The following RASA1 variants were observed in gnomAD, a reference collection of about 807,000 sequenced individuals.
RASA1 encodes ras GTPase-activating protein 1.
RASA1 carries 25 observed loss-of-function variants against 132.2 expected under a neutral mutation model. That is an observed-to-expected ratio of 0.19 (90% CI 0.14 to 0.26). RASA1 has a LOEUF of 0.26. RASA1 is among the 10% of genes least tolerant of loss of function. RASA1 has a pLI of 1.00. For synonymous variants in RASA1, 477 were observed against 449.9 expected (o/e 1.06, Z -0.76); for missense variants, 964 against 1,299.2 (o/e 0.74, Z 3.97).
At position 87,268,975 on chromosome 5, in the gene RASA1, C is replaced by T; in HGVS notation, c.524C>T (p.Ala175Val). The T allele has an allele frequency of 6.2e-7, 1 of 1,614,222 alleles. No homozygotes were observed. The highest frequency in any genetic ancestry group is 8.5e-7 in the Non-Finnish European group (1 of 1,180,042). ...GAAGAGGTGGCCATACCGTTGACCGCTCCTCCAACTAACCAGTAAGTTAAG... is the reference window on the plus strand; with the variant it reads ...GAAGAGGTGGCCATACCGTTGACCGTTCCTCCAACTAACCAGTAAGTTAAG... Reference protein sequence around the residue: ...EEEEVAIPLTAPPTNQWYHGK... With the variant: ...EEEEVAIPLTVPPTNQWYHGK... The change falls in exon 1 of 25, where the codon GCT (alanine) becomes GTT (valine). Residue 175 changes from alanine to valine, a missense_variant. Coordinates refer to ENST00000274376, the MANE Select transcript of RASA1 (RefSeq NM_002890.3).
At chr5:87,317,634 C>G (rs1756441107) in intron 1 of RASA1, among the ~76,000 whole-genome samples, 2 of 143,818 alleles carry the variant, frequency 1.4e-5, no homozygotes, top group Non-Finnish European at 3.1e-5. Flanking sequence ...TTCTCATGCT[C>G]TTTTTTTTTT....
chr5:87,269,136 A>G, intron 1 of RASA1, 146 bp downstream of exon 1: 1 of 1,613,366 alleles, frequency 6.2e-7, no homozygotes, highest in Admixed American at 1.7e-5. Flanking sequence ...TAGGAATTTA[A>G]TCTGATCACT....
intron 1 of RASA1, among the ~76,000 whole-genome samples, chr5:87,310,504 A>T (rs1424890473): frequency 6.6e-6 from 1 of 152,186 alleles, no homozygotes; most frequent in Non-Finnish European, 1.5e-5. Flanking sequence ...TTTACAACTA[A>T]TGGAGTCTGA....
rs573738724 is a variant in RASA1 at position 87,391,165 on chromosome 5, T to C, written c.*282T>C. ...CCACCTTTCACAAAACGAAATGCTATGACTGTATCTTGATATCTCGAACTT... is the reference window on the plus strand; with the variant it reads ...CCACCTTTCACAAAACGAAATGCTACGACTGTATCTTGATATCTCGAACTT... On this transcript the variant is annotated 3_prime_UTR_variant, in exon 25 of 25. Transcript: ENST00000274376. 4.7e-4 allele frequency: 257 copies of C among 543,578 alleles called. 2 individuals carry two copies. In the South Asian group the frequency reaches 5.4e-3, roughly 11 times the overall value. The allele number at this position is 543,578 out of a possible 1,614,324, so 33.7% of individuals were successfully genotyped here. A position where few individuals can be genotyped will look rare whatever the true frequency, so the allele number is the denominator to read the frequency against.
intron 11 of RASA1, among the ~76,000 whole-genome samples, chr5:87,368,557 C>G (rs572262130): frequency 3.0e-4 from 45 of 152,206 alleles, no homozygotes; most frequent in Admixed American, 1.1e-3. Context: ...ATTGTTCTTA[C>G]GGATGGTATA....
chr5:87,284,072 A>T (rs548622937), intron 1 of RASA1, among the ~76,000 whole-genome samples: 4 of 152,170 alleles, frequency 2.6e-5, no homozygotes, highest in Admixed American at 2.6e-4. Flanking sequence ...TCTTCTTTCA[A>T]GACAAATGCA....
chr5:87,339,466 T>G (rs1211874439), intron 5 of RASA1, among the ~76,000 whole-genome samples: 7 of 152,194 alleles, frequency 4.6e-5, no homozygotes, highest in Non-Finnish European at 1.0e-4. Flanking sequence ...GTTACAACTT[T>G]TAGTTTGGGT....
intron 5 of RASA1, among the ~76,000 whole-genome samples, 195 bp from the exon 6 acceptor site, chr5:87,341,095 G>C (rs571116734): frequency 6.6e-6 from 1 of 152,126 alleles, no homozygotes; most frequent in Non-Finnish European, 1.5e-5. Flanking sequence ...AAGAGGGCCT[G>C]AGTTAGGGTA....
intron 11 of RASA1, among the ~76,000 whole-genome samples, chr5:87,365,773 T>C (rs960107188): frequency 1.3e-5 from 2 of 152,154 alleles, no homozygotes; most frequent in Non-Finnish European, 2.9e-5. Flanking sequence ...AAATTTTTTT[T>C]TAATACTTTG....
chr5:87,316,581 A>G (rs1756357710), intron 1 of RASA1, among the ~76,000 whole-genome samples: 1 of 152,128 alleles, frequency 6.6e-6, no homozygotes, highest in Non-Finnish European at 1.5e-5. Context: ...AAATTTCTAG[A>G]CCTGTCCCAC....
chr5:87,378,381 T>A lies in RASA1; in HGVS notation c.2345-15T>A, dbSNP rs767453319. The A allele has an allele frequency of 1.2e-6, 2 of 1,611,786 alleles. No homozygotes were observed. Among genetic ancestry groups the A allele is most frequent in the South Asian group, 2.2e-5 (2 of 91,042 alleles). ...GTCCTTTACAAATAATCTTCTAATGTAAATATTTGTGTAGATGAAGCCACT... is the reference window on the plus strand; with the variant it reads ...GTCCTTTACAAATAATCTTCTAATGAAAATATTTGTGTAGATGAAGCCACT... On this transcript the variant is annotated splice_polypyrimidine_tract_variant and intron_variant, in intron 17 of 24. Transcript: ENST00000274376.
At chr5:87,298,175 C>T (rs555156336) in intron 1 of RASA1, among the ~76,000 whole-genome samples, 59 of 151,904 alleles carry the variant, frequency 3.9e-4, no homozygotes, top group Non-Finnish European at 5.6e-4. Flanking sequence ...TTTGGGAGGC[C>T]GAGGCGGGTG....
chr5:87,286,249 C>T (rs953527159), intron 1 of RASA1, among the ~76,000 whole-genome samples: 18 of 152,088 alleles, frequency 1.2e-4, no homozygotes, highest in African/African-American at 2.7e-4. Flanking sequence ...GTGATCCACT[C>T]GCATTTGGCC....
intron 23 of RASA1, among the ~76,000 whole-genome samples, chr5:87,387,768 T>C (rs1762163499): frequency 6.6e-6 from 1 of 152,182 alleles, no homozygotes; most frequent in African/African-American, 2.4e-5. Flanking sequence ...TGAAAAATTA[T>C]GGCATAGCTC....
At chr5:87,306,205 A>T (rs1033726717) in intron 1 of RASA1, among the ~76,000 whole-genome samples, 1 of 152,228 alleles carries the variant, frequency 6.6e-6, no homozygotes, top group Non-Finnish European at 1.5e-5. Context: ...TAGCAGAGAC[A>T]TGGAATCAGT....
intron 1 of RASA1, among the ~76,000 whole-genome samples, chr5:87,289,794 T>C (rs1325864034): frequency 6.6e-6 from 1 of 152,074 alleles, no homozygotes; most frequent in Non-Finnish European, 1.5e-5. Context: ...ATTTTTTGTA[T>C]AGACAGGTTC....
At chr5:87,376,292 AT>A in intron 15 of RASA1, 100 bp from the exon 16 acceptor site, 3 of 1,377,530 alleles carry the variant, frequency 2.2e-6, no homozygotes, top group Middle Eastern at 2.2e-4. Flanking sequence ...AATGAAAAGC[AT>A]TTAACACCAT....
At chr5:87,340,812 G>A (rs1758377115) in intron 5 of RASA1, among the ~76,000 whole-genome samples, 1 of 152,110 alleles carries the variant, frequency 6.6e-6, no homozygotes. Flanking sequence ...AAGCTACAGT[G>A]GTGGGAGATT....
intron 1 of RASA1, among the ~76,000 whole-genome samples, chr5:87,287,115 C>CATAT (rs969944096): frequency 7.3e-6 from 1 of 136,744 alleles, no homozygotes; most frequent in African/African-American, 2.8e-5. Context: ...ATATACACAC[C>CATAT]ATATATATAC....
Sources: gnomAD v4.1 joint callset for allele counts (sites outside exome capture counted in the v4.1 genomes callset) on GRCh38, gnomAD v4.1.1 for gene constraint, MANE v1.5 for transcripts, NCBI Gene and HGNC (gene_info 2026-07-23, HGNC 2026-07-21) for gene names.